JADE2: variants seen among roughly 807,000 people sequenced by gnomAD.
The protein encoded by JADE2 is E3 ubiquitin-protein ligase Jade-2.
A neutral mutation model predicts 85.7 loss-of-function variants in JADE2; 13 were observed. That is an observed-to-expected ratio of 0.15 (90% CI 0.10 to 0.24). JADE2 has a LOEUF of 0.24. Among genes scored for constraint, JADE2 ranks in the 10% least tolerant of loss-of-function variants. The probability of loss-of-function intolerance (pLI) is 1.00; values close to 1 mark genes in which losing one functional copy is unlikely to be tolerated. For synonymous variants in JADE2, 440 were observed against 456.1 expected (o/e 0.96, Z 0.45); for missense variants, 846 against 1,115.9 (o/e 0.76, Z 3.45).
At chr5:134,552,342 C>G (rs771931155) in intron 4 of JADE2, 133 bp downstream of exon 4, 4 of 845,514 alleles carry the variant, frequency 4.7e-6, no homozygotes, top group Admixed American at 3.0e-5. Flanking sequence ...ATTCCCTTTT[C>G]CAACAAACCA....
intron 4 of JADE2, among the ~76,000 whole-genome samples, chr5:134,555,367 G>C (rs1226928903): frequency 6.6e-6 from 1 of 152,210 alleles, no homozygotes; most frequent in African/African-American, 2.4e-5. Flanking sequence ...ATCCCAGCCA[G>C]CTGACGCCCT....
chr5:134,526,885 G>A, intron 1 of JADE2: 1 of 593,066 alleles, frequency 1.7e-6, no homozygotes, highest in Non-Finnish European at 2.1e-6. Context: ...ATGTACCGGC[G>A]GCGGCCGGAG....
rs780644903 is a variant in JADE2, at chr5:134,566,252, C to T, written c.1106C>T (p.Pro369Leu). Residue 369 changes from proline (P) to leucine (L), a missense_variant, in exon 9 of 12, where the codon CCA becomes CTA. By Grantham distance (98) the Pro-to-Leu change is moderately conservative (BLOSUM62 -3). Around this residue, in one of 9 missense-constraint regions of JADE2, gnomAD observed 39 missense variants for 37.6 expected, o/e 1.04. Coordinates refer to ENST00000681547, the MANE Select transcript of JADE2 (RefSeq NM_001388185.1). This position sits in a 1 kb window ranked among gnomAD's most constrained non-coding sequence, Gnocchi z 6.7. ...TGCCAGGAGCACAGTGACGGGGGCC[C>T]ACGTAATGAGCCCACATCTGAGCCC... ...SFCQEHSDGG[P>L]RNEPTSEPTE... 17 of 1,614,154 alleles carry T rather than the reference C, an allele frequency of 1.1e-5. No individual in the cohort carries two copies. The Admixed American group carries it at 2.8e-4, about 27-fold the overall frequency.
chr5:134,526,235 G>C lies in JADE2; in HGVS notation c.-1+224G>C, dbSNP rs575847892. 5.1e-6 allele frequency: 5 copies of C among 985,552 alleles called. No homozygotes were observed. The South Asian group carries it at 2.3e-4, about 46-fold the overall frequency. The allele number at this position is 985,552 out of a possible 1,614,324, so 61.1% of individuals were successfully genotyped here. A position where few individuals can be genotyped will look rare whatever the true frequency, so the allele number is the denominator to read the frequency against. On this transcript the variant is annotated intron_variant, in intron 1 of 11. Transcript: ENST00000681547. ...ATGTTGGTCAGTCGTGTTTTAAAGA[G>C]TACAGTGCGGGGAGGCTGAGAGGGG...
chr5:134,553,123 CCACA>C (rs1762696723), intron 4 of JADE2, among the ~76,000 whole-genome samples: 1 of 151,212 alleles, frequency 6.6e-6, no homozygotes, highest in African/African-American at 2.4e-5. Context: ...GCACATGCCA[CCACA>C]CATGGCTAAT....
Position 134,570,953 on chromosome 5 carries a change from C to T in JADE2, c.1435-2692C>T, listed in dbSNP as rs367785048. Among the ~76,000 whole-genome samples the T allele has an allele frequency of 1.0e-4, 16 of 152,384 alleles. No individual in the cohort carries two copies. The East Asian group carries it at 1.5e-3, about 15-fold the overall frequency. ...TCATGCCCAGCATCCCTGTTAGTTT[C>T]CTAGGCCTGCCCGTGTGCCACCAGC... On this transcript the variant is annotated intron_variant, in intron 9 of 11. Transcript: ENST00000681547.
intron 7 of JADE2, among the ~76,000 whole-genome samples, chr5:134,563,395 A>C (rs1581459201): frequency 6.6e-6 from 1 of 151,204 alleles, no homozygotes; most frequent in Non-Finnish European, 1.5e-5. Context: ...TGCGGCTAGG[A>C]TGGTGGGGTG....
intron 3 of JADE2, among the ~76,000 whole-genome samples, chr5:134,545,363 A>G (rs1762232452): frequency 6.6e-6 from 1 of 151,950 alleles, no homozygotes; most frequent in South Asian, 2.1e-4. Context: ...TAAGAGCAGG[A>G]AGTGCTGTTA....
Position 134,552,119 on chromosome 5 carries a change from A to C in JADE2, c.221A>C (p.Tyr74Ser), listed in dbSNP as rs377390843. 6.2e-7 allele frequency: 1 copy of C among 1,613,980 alleles called. No homozygotes were observed. Among genetic ancestry groups the C allele is most frequent in the Non-Finnish European group, 8.5e-7 (1 of 1,179,958 alleles). Residue 74 changes from tyrosine (Y) to serine (S), a missense_variant, in exon 4 of 12, where the codon TAC (tyrosine) becomes TCC (serine). Physicochemically the swap from Tyr to Ser is moderately radical, Grantham distance 144 (BLOSUM62 -2). Around this residue, in one of 9 missense-constraint regions of JADE2, gnomAD observed 44 missense variants for 92.0 expected, o/e 0.48. Coordinates refer to ENST00000681547, the MANE Select transcript of JADE2 (RefSeq NM_001388185.1). ...TCATACCAGCTCAGCCCGGATGACT[A>C]CTACATCCTGGCAGACCCATGGCGA... The part of the protein sequence containing the change: ...PDSYQLSPDD[Y>S]YILADPWRQE...
chr5:134,562,322 T>G lies in JADE2; in HGVS notation c.807T>G (p.Ser269Arg). ...GAGGAGCCTTGAAGCCCACTAGAAG[T>G]GGGACCAAGTGGGTGCATGTCAGCT... Reference protein sequence around the residue: ...KRGGALKPTRSGTKWVHVSCA... With the variant: ...KRGGALKPTRRGTKWVHVSCA... The change falls in exon 7 of 12, where the codon AGT becomes AGG. Residue 269 changes from serine (S) to arginine (R), a missense_variant. Ser to Arg is a moderately radical substitution (Grantham distance 110). This residue lies in a region of JADE2 where 129 missense variants were observed against 255.4 expected (regional missense o/e 0.51). Coordinates refer to ENST00000681547, the MANE Select transcript of JADE2 (RefSeq NM_001388185.1). This position sits in a 1 kb window ranked among gnomAD's most constrained non-coding sequence, Gnocchi z 4.6. 1 of 1,613,862 alleles carries G rather than the reference T, an allele frequency of 6.2e-7. No homozygotes were observed. The highest frequency in any genetic ancestry group is 8.5e-7 in the Non-Finnish European group (1 of 1,179,912).
At chr5:134,560,308 T>C (rs1466907142) in intron 5 of JADE2, among the ~76,000 whole-genome samples, 4 of 151,740 alleles carry the variant, frequency 2.6e-5, no homozygotes, top group African/African-American at 9.7e-5. Context: ...AGGGTCAGGA[T>C]GGCAAATGGG....
chr5:134,548,562 G>A (rs1343176565), intron 3 of JADE2, among the ~76,000 whole-genome samples: 4 of 152,196 alleles, frequency 2.6e-5, no homozygotes, highest in African/African-American at 9.7e-5. Context: ...GCCTGCTAGA[G>A]CCCGTAGTGT....
chr5:134,545,568 G>A (rs146945230), intron 3 of JADE2, among the ~76,000 whole-genome samples: 2 of 152,084 alleles, frequency 1.3e-5, no homozygotes, highest in African/African-American at 2.4e-5. Context: ...ATCAGGTTCC[G>A]GCCCAGAAAA....
At chr5:134,555,194 T>C (rs1762835929) in intron 4 of JADE2, among the ~76,000 whole-genome samples, 1 of 152,122 alleles carries the variant, frequency 6.6e-6, no homozygotes, top group African/African-American at 2.4e-5. Flanking sequence ...CCTCATGGTC[T>C]GAAATCTGTC....
At chr5:134,526,603 C>A in intron 1 of JADE2, 1 of 985,440 alleles carries the variant, frequency 1.0e-6, no homozygotes, top group Non-Finnish European at 1.2e-6. Flanking sequence ...CGGTCCCAGA[C>A]ACCTTCCGGG....
At chr5:134,544,240 G>A in intron 3 of JADE2, among the ~76,000 whole-genome samples, 1 of 152,258 alleles carries the variant, frequency 6.6e-6, no homozygotes, top group East Asian at 1.9e-4. Flanking sequence ...GTGCTTAAGA[G>A]TACCTAGTGG....
chr5:134,535,147 C>T (rs1761504730), intron 1 of JADE2, among the ~76,000 whole-genome samples: 1 of 152,154 alleles, frequency 6.6e-6, no homozygotes, highest in South Asian at 2.1e-4. Context: ...CAGTATGAGG[C>T]CCCTATGTGA....
intron 1 of JADE2, among the ~76,000 whole-genome samples, chr5:134,528,501 A>C (rs988432395): frequency 3.9e-5 from 6 of 152,130 alleles, no homozygotes; most frequent in Admixed American, 3.9e-4. Context: ...GGCAGGGAGG[A>C]GGGCTTTCAT....
intron 2 of JADE2, among the ~76,000 whole-genome samples, chr5:134,537,762 C>T (rs1433731918): frequency 6.6e-6 from 1 of 152,178 alleles, no homozygotes; most frequent in Non-Finnish European, 1.5e-5. Flanking sequence ...GCCCCAGTAA[C>T]AGCCTTTGAT....
Sources: gnomAD v4.1 joint callset for allele counts (sites outside exome capture counted in the v4.1 genomes callset) on GRCh38, gnomAD v4.1.1 for gene constraint, gnomAD v4.1.1 regional missense constraint, Gnocchi (gnomAD v3.1) non-coding constraint, MANE v1.5 for transcripts, NCBI Gene and HGNC (gene_info 2026-07-23, HGNC 2026-07-21) for gene names.